Variants in TTC21B observed in about 807,000 individuals in gnomAD.
TTC21B encodes tetratricopeptide repeat domain 21B.
A neutral mutation model predicts 175.1 loss-of-function variants in TTC21B; 127 were observed. The ratio of observed to expected loss-of-function variants is 0.73; its 90% CI spans 0.63 to 0.84. The LOEUF (loss-of-function observed/expected upper bound fraction) is 0.84, where lower values mean the gene tolerates loss of function less well. Among genes scored for constraint, TTC21B ranks in the 40% least tolerant of loss-of-function variants. The probability of loss-of-function intolerance (pLI) is 0.00; values close to 1 mark genes in which losing one functional copy is unlikely to be tolerated. For synonymous variants in TTC21B, 524 were observed against 524.5 expected, an observed-to-expected ratio of 1.00 and a Z score of 0.01; for missense variants, 1,561 against 1,558.3, an observed-to-expected ratio of 1.00 and a Z score of -0.03.
Position 165,919,363 on chromosome 2 carries a change from A to G in TTC21B, c.1587T>C (p.His529=). 1 of 1,614,144 alleles carries G rather than the reference A, an allele frequency of 6.2e-7. No homozygotes were observed. The highest frequency in any genetic ancestry group is 8.5e-7 in the Non-Finnish European group (1 of 1,180,002). The stretch of plus-strand genomic sequence containing the variant: ...ACAAGTAAACCTGAGCTAGCAGCAG[A>G]TGAGCATCAGCATAAGAGGGATTGT... The part of the protein sequence containing the change: ...LEHNPSYADA[H]LLLAQVYLSQ... Residue 529 remains histidine (H), a synonymous_variant, in exon 13 of 29, where the codon CAT becomes CAC. Transcript: ENST00000243344.
chr2:165,906,955 C>CAAAAAA (rs1160627145), intron 19 of TTC21B, among the ~76,000 whole-genome samples: 23 of 60,238 alleles, frequency 3.8e-4, no homozygotes, highest in East Asian at 1.1e-3. Context: ...AACTCCGTCT[C>CAAAAAA]AAAAAAAAAA....
chr2:165,911,194 A>T, intron 18 of TTC21B, 133 bp downstream of exon 18: 1 of 1,113,064 alleles, frequency 9.0e-7, no homozygotes, highest in Non-Finnish European at 1.3e-6. Flanking sequence ...TTCTGATAAA[A>T]GAAAAAATAC....
chr2:165,892,138 T>A (rs1685215764), intron 22 of TTC21B, among the ~76,000 whole-genome samples: 1 of 152,174 alleles, frequency 6.6e-6, no homozygotes, highest in South Asian at 2.1e-4. Flanking sequence ...TATAGTGGTG[T>A]CTTTTAGATG....
At chr2:165,935,881 C>G (rs749961637) in intron 6 of TTC21B, among the ~76,000 whole-genome samples, 33 of 152,084 alleles carry the variant, frequency 2.2e-4, no homozygotes, top group Non-Finnish European at 1.3e-4. Flanking sequence ...GATGTTAGTT[C>G]TTCCCAATTT....
In TTC21B at chr2:165,899,797, A is replaced by T; in HGVS notation, c.2841T>A (p.Ser947Arg). 6.2e-7 allele frequency: 1 copy of T among 1,613,594 alleles called. No individual in the cohort carries two copies. The highest frequency in any genetic ancestry group is 1.1e-5 in the South Asian group (1 of 91,076). Reference protein sequence around the residue: ...CLRQCALLLQSDQDNEAATMM... With the variant: ...CLRQCALLLQRDQDNEAATMM... The stretch of plus-strand genomic sequence containing the variant: ...TGGTAGCAGCTTCGTTATCCTGGTC[A>T]CTCTGAAGCAGTAGAGCACACTGCC... Residue 947 changes from serine (S) to arginine (R), a missense_variant, in exon 21 of 29, where the codon AGT becomes AGA. Coordinates refer to ENST00000243344, the MANE Select transcript of TTC21B (RefSeq NM_024753.5).
chr2:165,887,696 AG>A (rs1229737663), intron 25 of TTC21B, among the ~76,000 whole-genome samples: 1 of 152,182 alleles, frequency 6.6e-6, no homozygotes, highest in East Asian at 1.9e-4. Flanking sequence ...TCAAAAAAAA[AG>A]GAAAAAAGGT....
chr2:165,938,746 G>C (rs527312818), intron 6 of TTC21B, among the ~76,000 whole-genome samples: 8 of 151,976 alleles, frequency 5.3e-5, no homozygotes, highest in Non-Finnish European at 5.9e-5. Flanking sequence ...GAGGGAAGAG[G>C]GGAAGGAGAA....
intron 12 of TTC21B, among the ~76,000 whole-genome samples, chr2:165,922,242 A>T (rs771076213): frequency 1.1e-4 from 16 of 152,282 alleles, no homozygotes; most frequent in Non-Finnish European, 2.1e-4. Context: ...CAATTCAATC[A>T]GAAAGTATTA....
intron 12 of TTC21B, among the ~76,000 whole-genome samples, chr2:165,921,110 T>G: frequency 6.6e-6 from 1 of 152,150 alleles, no homozygotes; most frequent in East Asian, 1.9e-4. Flanking sequence ...GGTGTGCCCC[T>G]GGATAGTTTA....
chr2:165,908,948 T>C (rs1223828575), intron 18 of TTC21B, among the ~76,000 whole-genome samples: 1 of 152,170 alleles, frequency 6.6e-6, no homozygotes, highest in Non-Finnish European at 1.5e-5. Context: ...TAGAAGAATT[T>C]AAGCACCAAT....
At chr2:165,902,248 T>G (rs973888440) in intron 19 of TTC21B, among the ~76,000 whole-genome samples, 2 of 152,198 alleles carry the variant, frequency 1.3e-5, no homozygotes, top group African/African-American at 4.8e-5. Context: ...TAGAGTAGAT[T>G]GTTATATTGG....
chr2:165,887,039 A>G (rs1269153841), intron 25 of TTC21B, among the ~76,000 whole-genome samples: 2 of 152,158 alleles, frequency 1.3e-5, no homozygotes, highest in Non-Finnish European at 2.9e-5. Context: ...TCCAAGCGCA[A>G]TAATAAAGCT....
chr2:165,911,911 C>T (rs1332180841), intron 17 of TTC21B, among the ~76,000 whole-genome samples: 1 of 152,098 alleles, frequency 6.6e-6, no homozygotes, highest in Non-Finnish European at 1.5e-5. Flanking sequence ...TTGATCCACC[C>T]GTCTTGGCCT....
chr2:165,924,772 T>G, intron 11 of TTC21B, 94 bp from the exon 12 acceptor site: 1 of 1,372,380 alleles, frequency 7.3e-7, no homozygotes, highest in African/African-American at 1.5e-5. Context: ...CTAACCAAGC[T>G]ATATACATTT....
chr2:165,886,353 T>C (rs549224635), intron 25 of TTC21B, among the ~76,000 whole-genome samples: 1 of 152,338 alleles, frequency 6.6e-6, no homozygotes, highest in East Asian at 1.9e-4. Flanking sequence ...TCATAGTCAG[T>C]ATGCTTGTCT....
chr2:165,953,284 C>T (rs1256625057), intron 1 of TTC21B, among the ~76,000 whole-genome samples: 2 of 152,216 alleles, frequency 1.3e-5, no homozygotes, highest in Non-Finnish European at 2.9e-5. Context: ...TAATGGGTTT[C>T]ATATAATCTT....
chr2:165,941,295 G>A, intron 5 of TTC21B, 111 bp from the exon 6 acceptor site: 2 of 1,200,746 alleles, frequency 1.7e-6, no homozygotes, highest in Non-Finnish European at 2.4e-6. Context: ...TCTGTGAGGA[G>A]CAGTTATCAC....
chr2:165,875,421 G>A (rs1040039978), intron 28 of TTC21B, among the ~76,000 whole-genome samples: 6 of 151,990 alleles, frequency 3.9e-5, no homozygotes, highest in Non-Finnish European at 7.4e-5. Context: ...CTAACAGATT[G>A]CTGTGTGGGA....
chr2:165,945,822 C>A, intron 3 of TTC21B, 132 bp from the exon 4 acceptor site: 11 of 796,296 alleles, frequency 1.4e-5, no homozygotes, highest in South Asian at 4.1e-5. Context: ...AAAATGCAAG[C>A]CATATATGTA....
Sources: gnomAD v4.1 joint callset for allele counts (sites outside exome capture counted in the v4.1 genomes callset) on GRCh38, gnomAD v4.1.1 for gene constraint, MANE v1.5 for transcripts, NCBI Gene and HGNC (gene_info 2026-07-23, HGNC 2026-07-21) for gene names.